Variants in FNDC3B observed in about 807,000 individuals in gnomAD.
FNDC3B encodes fibronectin type III domain containing 3B.
Under a neutral mutation model 151.5 loss-of-function variants are expected in FNDC3B, and 12 were observed. That is an observed-to-expected ratio of 0.08 (90% confidence interval 0.05 to 0.13). The LOEUF (loss-of-function observed/expected upper bound fraction) is 0.13. Ranked by LOEUF, FNDC3B falls within the 10% of genes least tolerant of loss-of-function variation. The pLI is 1.00. For missense variants in FNDC3B, 1,214 were observed against 1,505.3 expected (o/e 0.81, Z 3.20); for synonymous variants, 528 against 549.0 (o/e 0.96, Z 0.54).
intron 4 of FNDC3B, among the ~76,000 whole-genome samples, chr3:172,233,531 C>G (rs550324292): frequency 2.1e-4 from 32 of 152,160 alleles, no homozygotes; most frequent in Non-Finnish European, 4.3e-4. Flanking sequence ...AAGCAGACAC[C>G]TCTGTGGAGA....
chr3:172,171,326 C>T (rs961627572), intron 3 of FNDC3B, among the ~76,000 whole-genome samples: 2 of 152,196 alleles, frequency 1.3e-5, no homozygotes, highest in East Asian at 3.8e-4. Context: ...ATGTCATTTA[C>T]AGTCTAGTGT....
At chr3:172,213,710 G>A (rs1725840612) in intron 3 of FNDC3B, among the ~76,000 whole-genome samples, 1 of 152,038 alleles carries the variant, frequency 6.6e-6, no homozygotes, top group Admixed American at 6.5e-5. Context: ...ATACGGCCTC[G>A]GTTTTTTAGC....
intron 3 of FNDC3B, among the ~76,000 whole-genome samples, chr3:172,194,133 C>T (rs545417704): frequency 4.1e-4 from 62 of 152,078 alleles, no homozygotes; most frequent in Non-Finnish European, 5.3e-4. Context: ...GGCAGGAGAA[C>T]GGCGTGAACC....
At chr3:172,071,836 T>A (rs1453491124) in intron 1 of FNDC3B, among the ~76,000 whole-genome samples, 1 of 152,082 alleles carries the variant, frequency 6.6e-6, no homozygotes, top group Non-Finnish European at 1.5e-5. Flanking sequence ...ATGAAGTCAT[T>A]TTCTCATTAC....
chr3:172,392,298 C>T (rs1370643598), intron 25 of FNDC3B, among the ~76,000 whole-genome samples: 1 of 152,186 alleles, frequency 6.6e-6, no homozygotes, highest in Non-Finnish European at 1.5e-5. Flanking sequence ...CAGGATAACT[C>T]ACCAGGAGGA....
At chr3:172,318,564 G>T (rs1213496227) in intron 11 of FNDC3B, among the ~76,000 whole-genome samples, 1 of 152,182 alleles carries the variant, frequency 6.6e-6, no homozygotes, top group Non-Finnish European at 1.5e-5. Context: ...TGAAGGGAAT[G>T]GAGCAGCTAC....
At chr3:172,162,289 A>T (rs1484377939) in intron 3 of FNDC3B, among the ~76,000 whole-genome samples, 1 of 152,030 alleles carries the variant, frequency 6.6e-6, no homozygotes, top group Non-Finnish European at 1.5e-5. Flanking sequence ...TCTTAGCATA[A>T]TTTTTAAGGG....
Position 172,041,356 on chromosome 3 carries a change from T to A in FNDC3B, c.-29+1585T>A, listed in dbSNP as rs554458384. 5.9e-4 allele frequency among the ~76,000 whole-genome samples: 83 copies of A among 140,928 alleles called. 1 individual carries two copies. The highest frequency in any genetic ancestry group is 2.0e-3 in the African/African-American group (79 of 39,156). 92.5% of individuals were successfully genotyped at this position (140,928 alleles called of 152,430 possible). A position where few individuals can be genotyped will look rare whatever the true frequency, so the allele number is the denominator to read the frequency against. On this transcript the variant is annotated intron_variant, in intron 1 of 25. Transcript: ENST00000415807. ...GGAGAGGGAATATGCTTTTTAAAAA[T>A]CGTTTTCTTTCTTTCTTTCTTTCTT...
chr3:172,238,592 G>A (rs1727290336), intron 4 of FNDC3B, among the ~76,000 whole-genome samples: 1 of 152,182 alleles, frequency 6.6e-6, no homozygotes, highest in South Asian at 2.1e-4. Context: ...CTTGGGTGAT[G>A]GTGGTGAGAG....
chr3:172,180,881 G>A (rs2108652438), intron 3 of FNDC3B, among the ~76,000 whole-genome samples: 1 of 152,230 alleles, frequency 6.6e-6, no homozygotes, highest in South Asian at 2.1e-4. Flanking sequence ...TCCTGTTTCA[G>A]TCTCCTCAGA....
intron 3 of FNDC3B, among the ~76,000 whole-genome samples, chr3:172,194,164 G>A (rs922892414): frequency 2.0e-5 from 3 of 152,014 alleles, no homozygotes; most frequent in African/African-American, 7.3e-5. Context: ...AGCCTGCAGT[G>A]AGCCGAGATC....
intron 6 of FNDC3B, among the ~76,000 whole-genome samples, chr3:172,285,597 A>G (rs1172736345): frequency 6.6e-6 from 1 of 152,214 alleles, no homozygotes; most frequent in Non-Finnish European, 1.5e-5. Context: ...TTCCAGGTAC[A>G]TTGGTCCCTC....
intron 1 of FNDC3B, among the ~76,000 whole-genome samples, chr3:172,092,339 T>A (rs1284712562): frequency 6.6e-6 from 1 of 152,214 alleles, no homozygotes; most frequent in Non-Finnish European, 1.5e-5. Context: ...CTCTACCTTG[T>A]GTTAGGTATA....
rs1488933655 is a variant in FNDC3B, at chr3:172,399,523, A to G, written c.*2048A>G. 6.6e-6 allele frequency: 1 copy of G among 152,614 alleles called. No individual in the cohort carries two copies. Among genetic ancestry groups the G allele is most frequent in the Non-Finnish European group, 1.5e-5 (1 of 68,030 alleles). 9.5% of individuals were successfully genotyped at this position (152,614 alleles called of 1,614,324 possible). A position where few individuals can be genotyped will look rare whatever the true frequency, so the allele number is the denominator to read the frequency against. On this transcript the variant is annotated 3_prime_UTR_variant, in exon 26 of 26. Coordinates refer to ENST00000415807, the MANE Select transcript of FNDC3B (RefSeq NM_022763.4). ...TATATTGACGTAGTGAGTACTAGAG[A>G]GTTCTGTATTTTATTATTGACTATA...
chr3:172,284,641 C>T (rs62281841), intron 6 of FNDC3B, among the ~76,000 whole-genome samples: 16,965 of 150,372 alleles, frequency 0.11, 1,583 homozygotes, highest in African/African-American at 0.26. Flanking sequence ...TCTCTCACTC[C>T]TTAGGTCCAC....
chr3:172,147,699 A>G (rs1458646390), intron 3 of FNDC3B, among the ~76,000 whole-genome samples: 3 of 152,040 alleles, frequency 2.0e-5, no homozygotes, highest in Admixed American at 6.5e-5. Context: ...GGGGCCAGAA[A>G]ATTTGTATTT....
At chr3:172,288,325 C>G (rs999984623) in intron 7 of FNDC3B, among the ~76,000 whole-genome samples, 1 of 152,224 alleles carries the variant, frequency 6.6e-6, no homozygotes, top group Non-Finnish European at 1.5e-5. Context: ...GGGCCTGGAC[C>G]TGGCGAATTC....
intron 25 of FNDC3B, among the ~76,000 whole-genome samples, chr3:172,395,533 G>A (rs1736229980): frequency 6.6e-6 from 1 of 152,094 alleles, no homozygotes; most frequent in Admixed American, 6.6e-5. Context: ...GAAGAAATCA[G>A]GTTTGTCATA....
At chr3:172,384,070 T>C (rs563570670) in intron 25 of FNDC3B, among the ~76,000 whole-genome samples, 2 of 152,342 alleles carry the variant, frequency 1.3e-5, no homozygotes, top group South Asian at 4.1e-4. Context: ...TCAGAGTTTC[T>C]GTTAAATTTC....
Sources: allele counts gnomAD v4.1 joint callset (sites outside exome capture counted in the v4.1 genomes callset), GRCh38; gene constraint gnomAD v4.1.1; transcripts MANE v1.5; gene names NCBI Gene and HGNC (gene_info 2026-07-23, HGNC 2026-07-21).